SHPK: variants seen among roughly 807,000 people sequenced by gnomAD.
SHPK encodes the protein sedoheptulokinase.
SHPK carries 51 observed loss-of-function variants against 46.3 expected under a neutral mutation model. That is an observed-to-expected ratio of 1.10 (90% CI 0.88 to 1.39). The LOEUF is 1.39. SHPK is among the 40% of genes most tolerant of loss of function. The pLI is 0.00. For synonymous variants in SHPK, 290 were observed against 273.9 expected (o/e 1.06, Z -0.58); for missense variants, 668 against 641.3 (o/e 1.04, Z -0.45).
In SHPK at chr17:3,610,406, T is replaced by C; in HGVS notation, c.*154A>G. The stretch of plus-strand genomic sequence containing the variant: ...CTGGCTGCATTATTAGAGTATGTTC[T>C]GAAGGTAAGTTCTTGGCCGAGATGG... On this transcript the variant is annotated 3_prime_UTR_variant, in exon 7 of 7. Coordinates refer to ENST00000225519, the MANE Select transcript of SHPK (RefSeq NM_013276.4). The C allele has an allele frequency of 1.3e-6, 1 of 768,774 alleles. No individual in the cohort carries two copies. Among genetic ancestry groups the C allele is most frequent in the Non-Finnish European group, 2.1e-6 (1 of 481,122 alleles). The allele number at this position is 768,774 out of a possible 1,614,324, so 47.6% of individuals were successfully genotyped here. A position where few individuals can be genotyped will look rare whatever the true frequency, so the allele number is the denominator to read the frequency against.
intron 3 of SHPK, 139 bp downstream of exon 3, chr17:3,623,909 C>G (rs2075417448): frequency 1.2e-6 from 1 of 834,278 alleles, no homozygotes; most frequent in Admixed American, 2.6e-5. Context: ...AATCGAGGTC[C>G]AGGCCATGCT....
In SHPK at chr17:3,615,494, A is replaced by T. The variant is rs1366911993; in HGVS notation, c.867T>A (p.Pro289=). Reference sequence around the variant, plus strand: ...GAGTCTGTGCAGGCTGGAATCCTGAAGGCATGGAGGCTGCCAGCTGAACCG... The same window carrying T: ...GAGTCTGTGCAGGCTGGAATCCTGATGGCATGGAGGCTGCCAGCTGAACCG... ...STSVQLAASM[P]SGFQPAQTPD... Residue 289 remains proline, a synonymous_variant, in exon 6 of 7, where the codon CCT becomes CCA. Transcript: ENST00000225519. 20 of 1,614,046 alleles carry T rather than the reference A, an allele frequency of 1.2e-5. No individual in the cohort carries two copies. Among genetic ancestry groups the T allele is most frequent in the Non-Finnish European group, 1.7e-5 (20 of 1,180,030 alleles).
At chr17:3,632,461 T>C (rs222737) in intron 1 of SHPK, among the ~76,000 whole-genome samples, 31,215 of 152,074 alleles carry the variant, frequency 0.21, 3,747 homozygotes, top group East Asian at 0.51. Context: ...AGGACAGAGC[T>C]GCTGTTTCAA....
chr17:3,622,281 C>T (rs2075407849), intron 4 of SHPK, among the ~76,000 whole-genome samples: 1 of 152,200 alleles, frequency 6.6e-6, no homozygotes, highest in Non-Finnish European at 1.5e-5. Context: ...AGTACACTGG[C>T]TTTCATAAGC....
In SHPK at chr17:3,610,951, G is replaced by T; in HGVS notation, c.1046C>A (p.Thr349Asn). Residue 349 changes from threonine (T) to asparagine (N), a missense_variant, in exon 7 of 7, where the codon ACT becomes AAT. Coordinates refer to ENST00000225519, the MANE Select transcript of SHPK (RefSeq NM_013276.4). Reference protein sequence around the residue: ...ADLGLEVEESTVYSRMIQAAV... With the variant: ...ADLGLEVEESNVYSRMIQAAV... ...TGCCTGAATCATGCGTGAATACACA[G>T]TGGATTCTTCAACCTCCAGGCCTGC... is the stretch of plus-strand genomic sequence containing the variant. 6.2e-7 allele frequency: 1 copy of T among 1,608,170 alleles called. No homozygotes were observed. The highest frequency in any genetic ancestry group is 8.5e-7 in the Non-Finnish European group (1 of 1,175,332).
chr17:3,631,028 G>T (rs1365330512), intron 1 of SHPK, among the ~76,000 whole-genome samples: 2 of 152,122 alleles, frequency 1.3e-5, no homozygotes, highest in East Asian at 3.9e-4. Flanking sequence ...TTCCCTCCCG[G>T]GAGTGCTGTC....
chr17:3,610,811 C>G lies in SHPK; in HGVS notation c.1186G>C (p.Gly396Arg), dbSNP rs1184024928. The change falls in exon 7 of 7, where the codon GGG becomes CGG. Residue 396 changes from glycine to arginine, a missense_variant. Transcript: ENST00000225519. ...TRISSSDLSLGHVTRALCRGI... is the reference protein window; with the variant it reads ...TRISSSDLSLRHVTRALCRGI... ...CGGCACAGAGCCCGGGTCACGTGCCCCAGGGAGAGGTCGGAGGAGGAGATT... is the reference window on the plus strand; with the variant it reads ...CGGCACAGAGCCCGGGTCACGTGCCGCAGGGAGAGGTCGGAGGAGGAGATT... 1 of 1,614,146 alleles carries G rather than the reference C, an allele frequency of 6.2e-7. No homozygotes were observed.
chr17:3,610,860 CG>C lies in SHPK; in HGVS notation c.1136del (p.Pro379ArgfsTer7), dbSNP rs2075335043. On this transcript the variant is annotated frameshift_variant, in exon 7 of 7. Transcript: ENST00000225519. LOFTEE classifies it high-confidence loss of function. Reference protein sequence around the residue: ...TPTVLGERHLPDQLASVTRIS... With the variant: ...TPTVLGERHLXDQLASVTRIS... ...TTCTGGTCACTGAGGCCAGCTGGTC[CG>C]GCAGGTGCCTCTCCCCCAGCACTGT... The C allele has an allele frequency of 1.2e-6, 2 of 1,614,034 alleles. No individual in the cohort carries two copies. Among genetic ancestry groups the C allele is most frequent in the East Asian group, 4.5e-5 (2 of 44,870 alleles).
intron 6 of SHPK, among the ~76,000 whole-genome samples, chr17:3,611,216 T>A (rs758169882): frequency 1.3e-5 from 2 of 152,226 alleles, no homozygotes; most frequent in African/African-American, 2.4e-5. Context: ...AGTGCTGCCA[T>A]GAGCCCTACC....
intron 1 of SHPK, 57 bp from the exon 2 acceptor site, chr17:3,630,403 G>T: frequency 6.5e-7 from 1 of 1,529,586 alleles, no homozygotes; most frequent in Non-Finnish European, 8.8e-7. Context: ...GGGGAGGGGC[G>T]CAGGCCTCCC....
rs542728562 is a variant in SHPK at position 3,619,463 on chromosome 17, G to C, written c.823+1774C>G. On this transcript the variant is annotated intron_variant, in intron 5 of 6. Transcript: ENST00000225519. ...AAATTTGGACGGAGAGGCCGGGCAC[G>C]ATGGCTCACACCTGTAATCCCAGCA... 6 of 1,147,038 alleles carry C rather than the reference G, an allele frequency of 5.2e-6. No individual in the cohort carries two copies. The Admixed American group carries it at 1.0e-4, about 20-fold the overall frequency. 71.1% of individuals were successfully genotyped at this position (1,147,038 alleles called of 1,614,324 possible). A position where few individuals can be genotyped will look rare whatever the true frequency, so the allele number is the denominator to read the frequency against.
Position 3,610,847 on chromosome 17 carries a change from AG to A in SHPK, c.1149del (p.Ser384GlnfsTer2), listed in dbSNP as rs2075334886. On this transcript the variant is annotated frameshift_variant, in exon 7 of 7. Coordinates refer to ENST00000225519, the MANE Select transcript of SHPK (RefSeq NM_013276.4). LOFTEE classifies it high-confidence loss of function. Reference sequence around the variant, plus strand: ...TCGGAGGAGGAGATTCTGGTCACTGAGGCCAGCTGGTCCGGCAGGTGCCTCT... The same window carrying A: ...TCGGAGGAGGAGATTCTGGTCACTGAGCCAGCTGGTCCGGCAGGTGCCTCT... ...LGERHLPDQLASVTRISSSDL... is the reference protein window; with the variant it reads ...LGERHLPDQLXSVTRISSSDL... 1 of 1,613,962 alleles carries A rather than the reference AG, an allele frequency of 6.2e-7. No individual in the cohort carries two copies.
chr17:3,633,702 G>A (rs887917387), intron 1 of SHPK, among the ~76,000 whole-genome samples: 4 of 152,116 alleles, frequency 2.6e-5, no homozygotes, highest in Admixed American at 2.6e-4. Flanking sequence ...AGAAGTGGCC[G>A]TGCTGCCGCC....
At chr17:3,633,096 A>G (rs1349893015) in intron 1 of SHPK, among the ~76,000 whole-genome samples, 1 of 148,470 alleles carries the variant, frequency 6.7e-6, no homozygotes, top group Non-Finnish European at 1.5e-5. Context: ...CTCCTGCCTC[A>G]GCCTCCCAAG....
At chr17:3,616,478 A>G (rs1176914623) in intron 5 of SHPK, among the ~76,000 whole-genome samples, 1 of 152,188 alleles carries the variant, frequency 6.6e-6, no homozygotes, top group Non-Finnish European at 1.5e-5. Flanking sequence ...CTGCAGCTCC[A>G]GAGTGAATGC....
chr17:3,631,997 A>G (rs530242419), intron 1 of SHPK, among the ~76,000 whole-genome samples: 1 of 151,198 alleles, frequency 6.6e-6, no homozygotes, highest in East Asian at 2.0e-4. Flanking sequence ...TCTCACTGTC[A>G]CCAGGTTGGA....
Position 3,609,087 on chromosome 17 carries a change from T to C in SHPK, c.*1473A>G, listed in dbSNP as rs1438323138. 6.6e-6 allele frequency: 1 copy of C among 152,202 alleles called. No individual in the cohort carries two copies. The highest frequency in any genetic ancestry group is 1.5e-5 in the Non-Finnish European group (1 of 68,058). 9.4% of individuals were successfully genotyped at this position (152,202 alleles called of 1,614,324 possible). A position where few individuals can be genotyped will look rare whatever the true frequency, so the allele number is the denominator to read the frequency against. ...TTTTAGTAGAGACGGGGTATCCCCATGTTGGTCAGGCTGGTCTTGAACTCC... is the reference window on the plus strand; with the variant it reads ...TTTTAGTAGAGACGGGGTATCCCCACGTTGGTCAGGCTGGTCTTGAACTCC... On this transcript the variant is annotated 3_prime_UTR_variant, in exon 7 of 7. Coordinates refer to ENST00000225519, the MANE Select transcript of SHPK (RefSeq NM_013276.4).
intron 5 of SHPK, among the ~76,000 whole-genome samples, chr17:3,621,012 G>A (rs781366427): frequency 1.3e-5 from 2 of 152,234 alleles, no homozygotes; most frequent in Non-Finnish European, 2.9e-5. Flanking sequence ...GGTCAGCACA[G>A]ATGGTTGGTG....
chr17:3,625,869 A>G (rs1414372065), intron 2 of SHPK, among the ~76,000 whole-genome samples: 3 of 152,188 alleles, frequency 2.0e-5, no homozygotes, highest in Non-Finnish European at 4.4e-5. Context: ...CCTGGACAAC[A>G]TGGCGAAACC....
Sources: gnomAD v4.1 joint callset for allele counts (sites outside exome capture counted in the v4.1 genomes callset) on GRCh38, gnomAD v4.1.1 for gene constraint, MANE v1.5 for transcripts, NCBI Gene and HGNC (gene_info 2026-07-23, HGNC 2026-07-21) for gene names.